COP1: variants seen among roughly 807,000 people sequenced by gnomAD.
The protein encoded by COP1 is COP1 E3 ubiquitin ligase.
Under a neutral mutation model 101.3 loss-of-function variants are expected in COP1, and 24 were observed. That is an observed-to-expected ratio of 0.24 (90% CI 0.17 to 0.33). The LOEUF (loss-of-function observed/expected upper bound fraction) is 0.33, where lower values mean the gene tolerates loss of function less well. Ranked by LOEUF, COP1 falls within the 10% of genes least tolerant of loss-of-function variation. The pLI is 1.00. For synonymous variants in COP1, 347 were observed against 341.9 expected, an observed-to-expected ratio of 1.01 and a Z score of -0.17; for missense variants, 663 against 906.2, an observed-to-expected ratio of 0.73 and a Z score of 3.45.
rs549723202 is a variant in COP1, at chr1:176,024,565, G to A, written c.1729+3007C>T. 1.9e-4 allele frequency among the ~76,000 whole-genome samples: 29 copies of A among 152,256 alleles called. 1 individual carries two copies. In the East Asian group the frequency reaches 5.0e-3, roughly 26 times the overall value. On this transcript the variant is annotated intron_variant, in intron 15 of 19. Coordinates refer to ENST00000367669, the MANE Select transcript of COP1 (RefSeq NM_022457.7). Reference sequence around the variant, plus strand: ...TTGTGAAGGACTAAACGCTCTTCACGTATGATAAAAAGTTTTTCATACTTT... The same window carrying A: ...TTGTGAAGGACTAAACGCTCTTCACATATGATAAAAAGTTTTTCATACTTT...
rs74659647 is a variant in COP1 at position 176,077,213 on chromosome 1, C to T, written c.1277+3939G>A. Reference sequence around the variant, plus strand: ...CAAATATCCCTCATAAACACAGATACAAAAATCCTCGACAAAATACTCTGT... The same window carrying T: ...CAAATATCCCTCATAAACACAGATATAAAAATCCTCGACAAAATACTCTGT... On this transcript the variant is annotated intron_variant, in intron 11 of 19. Transcript: ENST00000367669. Among the ~76,000 whole-genome samples the T allele has an allele frequency of 5.8e-3, 877 of 152,124 alleles. 11 individuals are homozygous for T. Among genetic ancestry groups the T allele is most frequent in the African/African-American group, 0.02 (850 of 41,528 alleles).
At chr1:176,184,340 T>C (rs981967587) in intron 2 of COP1, among the ~76,000 whole-genome samples, 1 of 152,158 alleles carries the variant, frequency 6.6e-6, no homozygotes, top group African/African-American at 2.4e-5. Flanking sequence ...TGGTCCTGAT[T>C]GTCCAGCATC....
At chr1:176,120,888 A>T (rs1687006626) in intron 8 of COP1, among the ~76,000 whole-genome samples, 1 of 152,206 alleles carries the variant, frequency 6.6e-6, no homozygotes, top group Non-Finnish European at 1.5e-5. Context: ...ACATTAGCTA[A>T]TTAAATTATA....
chr1:176,007,043 C>T (rs1022596968), intron 15 of COP1, among the ~76,000 whole-genome samples: 1 of 152,072 alleles, frequency 6.6e-6, no homozygotes, highest in East Asian at 1.9e-4. Context: ...AGGCTTTGCT[C>T]ATTTCTTTTT....
Position 176,135,070 on chromosome 1 carries a change from T to C in COP1, c.908A>G (p.Tyr303Cys), listed in dbSNP as rs537772309. 1.2e-6 allele frequency: 2 copies of C among 1,603,620 alleles called. No individual in the cohort carries two copies. Among genetic ancestry groups the C allele is most frequent in the South Asian group, 1.1e-5 (1 of 90,480 alleles). ...TGTGCTATCCTCACTGACAGGAGAGTATAAGCCACTCATTTCCTGAAAATA... is the reference window on the plus strand; with the variant it reads ...TGTGCTATCCTCACTGACAGGAGAGCATAAGCCACTCATTTCCTGAAAATA... ...IKRVEEMSGL[Y>C]SPVSEDSTVP... Residue 303 changes from tyrosine to cysteine, a missense_variant, in exon 8 of 20, where the codon TAC (tyrosine) becomes TGC (cysteine). Tyr to Cys is a radical substitution (Grantham distance 194). Transcript: ENST00000367669.
chr1:175,958,056 C>T (rs1650898757), intron 18 of COP1, among the ~76,000 whole-genome samples: 1 of 152,004 alleles, frequency 6.6e-6, no homozygotes, highest in South Asian at 2.1e-4. Flanking sequence ...CACAAGGTAA[C>T]TTTTTGGGTG....
At chr1:176,098,226 G>A (rs982818738) in intron 9 of COP1, among the ~76,000 whole-genome samples, 6 of 152,118 alleles carry the variant, frequency 3.9e-5, no homozygotes, top group African/African-American at 1.4e-4. Flanking sequence ...TCAAACCTTG[G>A]CTGCACCAAG....
At chr1:175,993,485 G>A (rs1033774573) in intron 15 of COP1, among the ~76,000 whole-genome samples, 21 of 152,250 alleles carry the variant, frequency 1.4e-4, no homozygotes, top group African/African-American at 4.8e-4. Flanking sequence ...CAAAGAAGTT[G>A]AAAACTTTGA....
chr1:176,085,963 T>G (rs1680055626), intron 9 of COP1, 73 bp from the exon 10 acceptor site: 1 of 745,310 alleles, frequency 1.3e-6, no homozygotes, highest in Non-Finnish European at 2.2e-6. Context: ...CTCAAATGTT[T>G]GAGCATTTAC....
At chr1:176,034,447 A>C (rs1389320008) in intron 14 of COP1, among the ~76,000 whole-genome samples, 1 of 152,222 alleles carries the variant, frequency 6.6e-6, no homozygotes, top group Non-Finnish European at 1.5e-5. Flanking sequence ...GAATATGAAA[A>C]AGGCGAATCC....
intron 3 of COP1, 84 bp downstream of exon 3, chr1:176,175,826 G>T (rs1282255010): frequency 2.8e-6 from 2 of 713,612 alleles, no homozygotes; most frequent in Admixed American, 2.2e-5. Flanking sequence ...TACCACTAAG[G>T]TAGGTTTTCT....
At chr1:176,060,376 ACAT>A (rs1393447870) in intron 11 of COP1, among the ~76,000 whole-genome samples, 1 of 152,206 alleles carries the variant, frequency 6.6e-6, no homozygotes, top group Admixed American at 6.5e-5. Flanking sequence ...ATTCAGAACA[ACAT>A]CTAGTAGAGA....
intron 18 of COP1, among the ~76,000 whole-genome samples, chr1:175,986,083 G>A (rs1014890855): frequency 3.9e-5 from 6 of 152,094 alleles, no homozygotes; most frequent in South Asian, 2.1e-4. Context: ...GCAGTGGCGC[G>A]ATCTTGGCTC....
intron 15 of COP1, among the ~76,000 whole-genome samples, chr1:176,015,013 T>C (rs1269424742): frequency 1.3e-5 from 2 of 152,040 alleles, no homozygotes; most frequent in African/African-American, 2.4e-5. Context: ...AGAGGAAAGG[T>C]AATGACTGGG....
chr1:176,002,870 T>C (rs1215647825), intron 15 of COP1, among the ~76,000 whole-genome samples: 8 of 151,500 alleles, frequency 5.3e-5, no homozygotes, highest in Middle Eastern at 3.4e-3. Flanking sequence ...GGGTATATAC[T>C]CAGTAATGGG....
At position 176,207,130 on chromosome 1, in the gene COP1, TA is replaced by T; in HGVS notation, c.-153del. On this transcript the variant is annotated 5_prime_UTR_variant, in exon 1 of 20. Coordinates refer to ENST00000367669, the MANE Select transcript of COP1 (RefSeq NM_022457.7). ...GGAACAATAAAGTTGCGTTTTTTTT[TA>T]AGGCAGCCACACAACAGCGTCCCAC... 3.7e-6 allele frequency: 2 copies of T among 543,746 alleles called. No individual in the cohort carries two copies. The highest frequency in any genetic ancestry group is 5.8e-6 in the Non-Finnish European group (2 of 342,086). The allele number at this position is 543,746 out of a possible 1,614,324, so 33.7% of individuals were successfully genotyped here.
chr1:176,184,155 T>G (rs1698146987), intron 2 of COP1, among the ~76,000 whole-genome samples: 1 of 152,140 alleles, frequency 6.6e-6, no homozygotes. Context: ...TTAAAAAATT[T>G]TTTTGATGTA....
At chr1:176,099,397 T>A (rs989399872) in intron 9 of COP1, among the ~76,000 whole-genome samples, 1 of 152,248 alleles carries the variant, frequency 6.6e-6, no homozygotes, top group Non-Finnish European at 1.5e-5. Context: ...GGAATATTGC[T>A]GATCCTTGTT....
chr1:176,043,676 A>G, intron 13 of COP1, 34 bp downstream of exon 13: 3 of 1,166,412 alleles, frequency 2.6e-6, no homozygotes, highest in Non-Finnish European at 3.8e-6. Context: ...CAAATGTATG[A>G]TTCATATAAC....
Sources: gnomAD v4.1 joint callset for allele counts (sites outside exome capture counted in the v4.1 genomes callset) on GRCh38, gnomAD v4.1.1 for gene constraint, MANE v1.5 for transcripts, NCBI Gene and HGNC (gene_info 2026-07-23, HGNC 2026-07-21) for gene names.